The following SDK1 variants were observed in gnomAD, a reference collection of about 807,000 sequenced individuals.
SDK1 encodes the protein protein sidekick-1.
In SDK1, 157 loss-of-function variants were observed where a neutral mutation model predicts 245.5. The observed-to-expected ratio is 0.64, with a 90% confidence interval of 0.56 to 0.73. The LOEUF is 0.73. Among genes scored for constraint, SDK1 ranks in the 30% least tolerant of loss-of-function variants. SDK1 has a pLI of 0.00. For missense variants in SDK1, 3,583 were observed against 3,002.3 expected, an observed-to-expected ratio of 1.19 and a Z score of -4.52; for synonymous variants, 1,647 against 1,278.5, an observed-to-expected ratio of 1.29 and a Z score of -6.15.
intron 1 of SDK1, among the ~76,000 whole-genome samples, chr7:3,320,326 T>C (rs1459485162): frequency 6.6e-6 from 1 of 152,110 alleles, no homozygotes; most frequent in Admixed American, 6.5e-5. Flanking sequence ...ATACATACTT[T>C]GAACTGTGGA....
At position 3,356,400 on chromosome 7, in the gene SDK1, C is replaced by T. The variant is rs911691928; in HGVS notation, c.298+54516C>T. 4.9e-4 allele frequency among the ~76,000 whole-genome samples: 74 copies of T among 152,084 alleles called. 1 individual carries two copies. Among genetic ancestry groups the T allele is most frequent in the Admixed American group, 2.6e-4 (4 of 15,272 alleles). On this transcript the variant is annotated intron_variant, in intron 1 of 44. Coordinates refer to ENST00000404826, the MANE Select transcript of SDK1 (RefSeq NM_152744.4). ...TCTCGGAAGCCCTCGTGTTTGTTAC[C>T]GCTCTTTAAAGATTGAGGCAGGTGT... is the stretch of plus-strand genomic sequence containing the variant.
chr7:3,660,239 A>G (rs745486737), intron 4 of SDK1, among the ~76,000 whole-genome samples: 15 of 152,082 alleles, frequency 9.9e-5, no homozygotes, highest in African/African-American at 1.4e-4. Flanking sequence ...TAAGACACCC[A>G]TGAAAATATG....
chr7:3,988,285 G>T (rs1784034348), intron 14 of SDK1, among the ~76,000 whole-genome samples: 1 of 150,936 alleles, frequency 6.6e-6, no homozygotes, highest in African/African-American at 2.4e-5. Flanking sequence ...CACACCCCCT[G>T]CATCAGCAGT....
chr7:3,469,837 G>T (rs975728814), intron 1 of SDK1, among the ~76,000 whole-genome samples: 1 of 152,124 alleles, frequency 6.6e-6, no homozygotes, highest in African/African-American at 2.4e-5. Flanking sequence ...AATTGAAAAT[G>T]CTTCCTAAGA....
In SDK1 at chr7:4,024,960, G is replaced by A. The variant is rs1452969175; in HGVS notation, c.2602+7608G>A. Among the ~76,000 whole-genome samples, 3 of 152,050 alleles carry A rather than the reference G, an allele frequency of 2.0e-5. No individual in the cohort carries two copies. In the East Asian group the frequency reaches 5.8e-4, roughly 29 times the overall value. On this transcript the variant is annotated intron_variant, in intron 17 of 44. Coordinates refer to ENST00000404826, the MANE Select transcript of SDK1 (RefSeq NM_152744.4). ...CTCTGCCGCCGTAGAGGGTGGGTTT[G>A]CAGTGGTTTCTGAGCACTTTGGACT...
At chr7:3,994,838 G>T (rs1002285160) in intron 14 of SDK1, among the ~76,000 whole-genome samples, 1 of 152,110 alleles carries the variant, frequency 6.6e-6, no homozygotes, top group East Asian at 1.9e-4. Context: ...CATGGATCTG[G>T]GATCCTCAAA....
intron 30 of SDK1, among the ~76,000 whole-genome samples, chr7:4,154,326 T>C (rs1272173045): frequency 6.6e-6 from 1 of 152,114 alleles, no homozygotes; most frequent in Non-Finnish European, 1.5e-5. Context: ...GTTCAGAGAG[T>C]GAGGGTCCTG....
intron 14 of SDK1, among the ~76,000 whole-genome samples, chr7:3,995,067 G>C (rs964265712): frequency 2.0e-5 from 3 of 152,154 alleles, no homozygotes; most frequent in Non-Finnish European, 4.4e-5. Context: ...CTGAAGAGGG[G>C]ATTCTAGGCT....
intron 1 of SDK1, among the ~76,000 whole-genome samples, chr7:3,358,789 T>C (rs1471535564): frequency 2.0e-5 from 3 of 152,226 alleles, no homozygotes; most frequent in Admixed American, 6.5e-5. Context: ...GTGTCCTAGA[T>C]GGAGGCAAAA....
intron 1 of SDK1, among the ~76,000 whole-genome samples, chr7:3,601,473 TTTCTATC>T (rs1781252834): frequency 6.6e-6 from 1 of 152,106 alleles, no homozygotes; most frequent in South Asian, 2.1e-4. Context: ...TAGGAATGGG[TTTCTATC>T]TTCTAAGCTG....
intron 14 of SDK1, among the ~76,000 whole-genome samples, chr7:4,008,456 C>T (rs534029564): frequency 6.6e-6 from 1 of 152,268 alleles, no homozygotes; most frequent in Non-Finnish European, 1.5e-5. Context: ...GCCTTTATTC[C>T]TGACGCAAGT....
At chr7:3,418,589 A>G (rs1323138044) in intron 1 of SDK1, among the ~76,000 whole-genome samples, 8 of 152,194 alleles carry the variant, frequency 5.3e-5, no homozygotes, top group African/African-American at 1.7e-4. Context: ...TTAAATGACT[A>G]AGTCTTCACG....
At chr7:3,653,050 C>T (rs1783057860) in intron 4 of SDK1, among the ~76,000 whole-genome samples, 2 of 152,218 alleles carry the variant, frequency 1.3e-5, no homozygotes, top group African/African-American at 4.8e-5. Context: ...CAGTGGACTT[C>T]TCCCCCACTT....
chr7:3,483,745 T>C (rs1163542927), intron 1 of SDK1, among the ~76,000 whole-genome samples: 2 of 152,180 alleles, frequency 1.3e-5, no homozygotes, highest in Non-Finnish European at 2.9e-5. Flanking sequence ...TCAGTACTAT[T>C]AGATGATATT....
chr7:3,977,814 G>A (rs572317435), intron 13 of SDK1, among the ~76,000 whole-genome samples: 2 of 152,348 alleles, frequency 1.3e-5, no homozygotes, highest in South Asian at 4.1e-4. Context: ...AGTATTTGTT[G>A]TATAACCGTT....
chr7:3,537,288 A>G (rs1223937330), intron 1 of SDK1, among the ~76,000 whole-genome samples: 1 of 152,226 alleles, frequency 6.6e-6, no homozygotes, highest in African/African-American at 2.4e-5. Context: ...TGACTGTCTT[A>G]AAATACCCAT....
chr7:3,945,449 CAGAA>C (rs1780536667), intron 5 of SDK1, among the ~76,000 whole-genome samples: 1 of 152,034 alleles, frequency 6.6e-6, no homozygotes, highest in Non-Finnish European at 1.5e-5. Context: ...AACAGAACTT[CAGAA>C]AGTATTTATA....
At chr7:3,905,781 C>G (rs1452289028) in intron 5 of SDK1, among the ~76,000 whole-genome samples, 1 of 151,836 alleles carries the variant, frequency 6.6e-6, no homozygotes, top group African/African-American at 2.4e-5. Context: ...TGCCACTATC[C>G]CTGGCTAATT....
At chr7:3,365,797 C>T (rs1781072205) in intron 1 of SDK1, among the ~76,000 whole-genome samples, 1 of 149,596 alleles carries the variant, frequency 6.7e-6, no homozygotes, top group Non-Finnish European at 1.5e-5. Context: ...CTTTGGGAGG[C>T]CGAGGTGGGT....
Sources: allele counts gnomAD v4.1 joint callset (sites outside exome capture counted in the v4.1 genomes callset), GRCh38; gene constraint gnomAD v4.1.1; transcripts MANE v1.5; gene names NCBI Gene and HGNC (gene_info 2026-07-23, HGNC 2026-07-21).